FRAS1: variants seen among roughly 807,000 people sequenced by gnomAD.
The protein encoded by FRAS1 is extracellular matrix organizing protein FRAS1.
In FRAS1, 290 loss-of-function variants were observed where a neutral mutation model predicts 435.2. The observed-to-expected ratio is 0.67, with a 90% CI of 0.61 to 0.73. The LOEUF is 0.73. FRAS1 is among the 30% of genes least tolerant of loss of function. The pLI, the probability that FRAS1 is intolerant of heterozygous loss-of-function variation, is 0.00. For synonymous variants in FRAS1, 1,800 were observed against 1,851.0 expected, an observed-to-expected ratio of 0.97 and a Z score of 0.71; for missense variants, 4,860 against 5,001.5, an observed-to-expected ratio of 0.97 and a Z score of 0.85.
chr4:78,511,173 T>C (rs991312683), intron 63 of FRAS1, 101 bp from the exon 64 acceptor site: 2 of 934,900 alleles, frequency 2.1e-6, no homozygotes, highest in Non-Finnish European at 3.2e-6. Flanking sequence ...AATCAATGGA[T>C]GGGTGGATGG....
chr4:78,302,442 C>G (rs572309981), intron 14 of FRAS1, among the ~76,000 whole-genome samples: 138 of 152,054 alleles, frequency 9.1e-4, no homozygotes, highest in African/African-American at 3.2e-3. Context: ...CTGACTTCCA[C>G]AATGGGTGAA....
chr4:78,506,296 G>A (rs1295943588), intron 61 of FRAS1, among the ~76,000 whole-genome samples: 1 of 152,216 alleles, frequency 6.6e-6, no homozygotes, highest in Admixed American at 6.5e-5. Context: ...TGTCAGACAG[G>A]GACGTTTAAG....
chr4:78,116,190 A>G (rs920077994), intron 2 of FRAS1, among the ~76,000 whole-genome samples: 5 of 152,216 alleles, frequency 3.3e-5, no homozygotes, highest in Non-Finnish European at 7.3e-5. Flanking sequence ...CTGTGGTCTG[A>G]GAGACAGTTT....
intron 2 of FRAS1, among the ~76,000 whole-genome samples, chr4:78,086,851 G>A (rs1396149422): frequency 3.9e-5 from 6 of 152,102 alleles, no homozygotes; most frequent in Non-Finnish European, 5.9e-5. Context: ...GGTACAAGGA[G>A]GAGCTGGTAC....
chr4:78,123,551 C>G (rs1017897142), intron 2 of FRAS1, among the ~76,000 whole-genome samples: 6 of 152,068 alleles, frequency 3.9e-5, no homozygotes, highest in African/African-American at 1.4e-4. Context: ...GCATTGAATA[C>G]ATAAATTATT....
chr4:78,075,976 C>T (rs2109867037), intron 2 of FRAS1, among the ~76,000 whole-genome samples: 1 of 152,278 alleles, frequency 6.6e-6, no homozygotes, highest in Non-Finnish European at 1.5e-5. Context: ...GAATTACATT[C>T]TGTAGGCAGT....
At chr4:78,271,155 T>TA (rs1726656531) in intron 9 of FRAS1, among the ~76,000 whole-genome samples, 1 of 152,188 alleles carries the variant, frequency 6.6e-6, no homozygotes, top group Non-Finnish European at 1.5e-5. Context: ...AAAATATCAT[T>TA]ATGATTATTC....
At chr4:78,167,523 G>GATA (rs1721380530) in intron 2 of FRAS1, among the ~76,000 whole-genome samples, 2 of 152,028 alleles carry the variant, frequency 1.3e-5, no homozygotes, top group South Asian at 4.2e-4. Flanking sequence ...GATTATCATT[G>GATA]ATAATAATAT....
chr4:78,112,337 A>G (rs1035811485), intron 2 of FRAS1, among the ~76,000 whole-genome samples: 5 of 152,164 alleles, frequency 3.3e-5, no homozygotes, highest in Non-Finnish European at 7.4e-5. Context: ...CTTCATACAC[A>G]TATTTACATT....
chr4:78,162,034 C>G (rs971286808), intron 2 of FRAS1, among the ~76,000 whole-genome samples: 18 of 151,990 alleles, frequency 1.2e-4, no homozygotes, highest in African/African-American at 4.3e-4. Context: ...ATTTTTCAAG[C>G]TTTGGTAATA....
chr4:78,205,997 T>A (rs562135870), intron 2 of FRAS1, among the ~76,000 whole-genome samples: 2 of 152,260 alleles, frequency 1.3e-5, no homozygotes, highest in African/African-American at 4.8e-5. Context: ...GACAACTTAA[T>A]ATTTTCAAAC....
chr4:78,253,824 A>G (rs1725662516), intron 5 of FRAS1, among the ~76,000 whole-genome samples: 1 of 152,168 alleles, frequency 6.6e-6, no homozygotes, highest in Admixed American at 6.5e-5. Flanking sequence ...ATGATTCCAT[A>G]AGGCTAAGGT....
At chr4:78,220,678 A>G (rs193014616) in intron 2 of FRAS1, among the ~76,000 whole-genome samples, 37 of 152,334 alleles carry the variant, frequency 2.4e-4, no homozygotes, top group Non-Finnish European at 4.6e-4. Context: ...AAAATATTAC[A>G]GTCCATTCAG....
intron 66 of FRAS1, among the ~76,000 whole-genome samples, chr4:78,518,454 T>A (rs961291936): frequency 0.2 from 19,968 of 100,606 alleles, 1,728 homozygotes; most frequent in Non-Finnish European, 0.27. Flanking sequence ...ATATATATAT[T>A]TATTTATTTA....
chr4:78,507,841 G>A (rs1720892529), intron 62 of FRAS1, among the ~76,000 whole-genome samples: 2 of 152,102 alleles, frequency 1.3e-5, no homozygotes, highest in African/African-American at 4.8e-5. Context: ...AAAAGCCAGG[G>A]ATACTCCTAA....
intron 6 of FRAS1, among the ~76,000 whole-genome samples, chr4:78,260,083 G>C (rs9760341): frequency 0.95 from 143,505 of 151,786 alleles, 68,242 homozygotes; most frequent in Non-Finnish European, 1. Flanking sequence ...GGTACCAGTA[G>C]CATGCTGTTT....
At chr4:78,475,675 A>G in intron 54 of FRAS1, 69 bp downstream of exon 54, 5 of 1,411,524 alleles carry the variant, frequency 3.5e-6, no homozygotes, top group Non-Finnish European at 4.7e-6. Context: ...CAATTGTGGC[A>G]CTTTCCTACT....
chr4:78,405,978 T>C (rs773558574), intron 30 of FRAS1, among the ~76,000 whole-genome samples: 47 of 152,366 alleles, frequency 3.1e-4, no homozygotes, highest in African/African-American at 6.5e-4. Context: ...GTCAAGGTGC[T>C]TTAGGTGAAG....
intron 1 of FRAS1, among the ~76,000 whole-genome samples, chr4:78,064,801 T>A (rs538412300): frequency 1.1e-4 from 17 of 151,842 alleles, no homozygotes; most frequent in Non-Finnish European, 2.2e-4. Flanking sequence ...TCATAAATGA[T>A]CCATTAGAGG....
Sources: allele counts gnomAD v4.1 joint callset (sites outside exome capture counted in the v4.1 genomes callset), GRCh38; gene constraint gnomAD v4.1.1; transcripts MANE v1.5; gene names NCBI Gene and HGNC (gene_info 2026-07-23, HGNC 2026-07-21).